The following LRRC3B variants were observed in gnomAD, a reference collection of about 807,000 sequenced individuals.
LRRC3B encodes the protein leucine rich repeat containing 3B.
A neutral mutation model predicts 12.8 loss-of-function variants in LRRC3B; 2 were observed. That is an observed-to-expected ratio of 0.16 (90% CI 0.06 to 0.49). LRRC3B has a LOEUF of 0.49. Among genes scored for constraint, LRRC3B ranks in the 20% least tolerant of loss-of-function variants. The pLI, the probability that LRRC3B is intolerant of heterozygous loss-of-function variation, is 0.96. For synonymous variants in LRRC3B, 132 were observed against 122.0 expected, an observed-to-expected ratio of 1.08 and a Z score of -0.54; for missense variants, 189 against 319.4, an observed-to-expected ratio of 0.59 and a Z score of 3.11.
chr3:26,657,147 T>G (rs2125419686), intron 1 of LRRC3B, among the ~76,000 whole-genome samples: 1 of 152,354 alleles, frequency 6.6e-6, no homozygotes, highest in Non-Finnish European at 1.5e-5. Context: ...AGCTTTCTGC[T>G]TAAGAGCCTA....
chr3:26,623,832 T>A (rs1161170522), intron 1 of LRRC3B: 1 of 152,218 alleles, frequency 6.6e-6, no homozygotes, highest in African/African-American at 2.4e-5. Context: ...GGCTTGCGGC[T>A]GTGCGCCGTG....
At chr3:26,705,590 GTTAGTAGGAAGGCACTCTTC>G (rs1359661342) in intron 1 of LRRC3B, among the ~76,000 whole-genome samples, 18 of 152,028 alleles carry the variant, frequency 1.2e-4, no homozygotes, top group Admixed American at 5.2e-4. Context: ...TCATTCTGAA[GTTAGTAGGAAGGCACTCTTC>G]TTGCCCAGCA....
chr3:26,679,907 T>C (rs1699935449), intron 1 of LRRC3B, among the ~76,000 whole-genome samples: 1 of 152,156 alleles, frequency 6.6e-6, no homozygotes, highest in African/African-American at 2.4e-5. Context: ...AAAAAAGGTG[T>C]GTCACATAAC....
intron 1 of LRRC3B, among the ~76,000 whole-genome samples, chr3:26,661,221 T>C (rs934310079): frequency 1.3e-5 from 2 of 152,296 alleles, no homozygotes; most frequent in Admixed American, 1.3e-4. Context: ...TGGCTCCCAA[T>C]GTGCAGTCAA....
At chr3:26,676,494 A>G (rs1699863799) in intron 1 of LRRC3B, among the ~76,000 whole-genome samples, 1 of 151,854 alleles carries the variant, frequency 6.6e-6, no homozygotes, top group African/African-American at 2.4e-5. Flanking sequence ...TTGTTGGACC[A>G]TAATCACTGG....
At chr3:26,710,488 T>C (rs760146686) in exon 2 of LRRC3B, 7 of 1,509,734 alleles carry the variant, frequency 4.6e-6, no homozygotes, top group South Asian at 1.4e-5. Flanking sequence ...AGAAAGAAAG[T>C]AGTTTGCGAT....
intron 1 of LRRC3B, among the ~76,000 whole-genome samples, chr3:26,673,014 G>A (rs1330155607): frequency 6.6e-6 from 1 of 152,156 alleles, no homozygotes; most frequent in Non-Finnish European, 1.5e-5. Context: ...TACTCCACTA[G>A]TCCAGTCTCA....
At chr3:26,653,062 G>T (rs1315747038) in intron 1 of LRRC3B, among the ~76,000 whole-genome samples, 1 of 149,076 alleles carries the variant, frequency 6.7e-6, no homozygotes, top group African/African-American at 2.5e-5. Context: ...TACTTAAGGA[G>T]AAGGCCTCAA....
At chr3:26,666,587 A>G (rs1196664319) in intron 1 of LRRC3B, among the ~76,000 whole-genome samples, 1 of 152,162 alleles carries the variant, frequency 6.6e-6, no homozygotes, top group Non-Finnish European at 1.5e-5. Context: ...AGTTGTACAG[A>G]AAAGTTGTAA....
intron 1 of LRRC3B, among the ~76,000 whole-genome samples, chr3:26,688,296 G>T (rs1250044568): frequency 6.6e-6 from 1 of 152,144 alleles, no homozygotes; most frequent in Non-Finnish European, 1.5e-5. Flanking sequence ...AAGAACCGCA[G>T]AAAGAATAAT....
intron 1 of LRRC3B, among the ~76,000 whole-genome samples, chr3:26,673,260 T>A (rs562769104): frequency 4.6e-5 from 7 of 152,330 alleles, no homozygotes; most frequent in South Asian, 2.1e-4. Flanking sequence ...ATTCATACAG[T>A]CTTTTATTTC....
chr3:26,656,462 T>C (rs1417494118), intron 1 of LRRC3B, among the ~76,000 whole-genome samples: 2 of 152,188 alleles, frequency 1.3e-5, no homozygotes, highest in East Asian at 3.9e-4. Context: ...CTGTTATCTC[T>C]GTTACTGTTA....
intron 1 of LRRC3B, among the ~76,000 whole-genome samples, chr3:26,631,165 C>A (rs1255191127): frequency 6.6e-6 from 1 of 152,198 alleles, no homozygotes; most frequent in East Asian, 1.9e-4. Context: ...GAAAAATGTG[C>A]CTCCTTGGAG....
chr3:26,643,811 G>T lies in LRRC3B; in HGVS notation c.-161+20574G>T, dbSNP rs560155574. 1.8e-4 allele frequency among the ~76,000 whole-genome samples: 28 copies of T among 152,282 alleles called. No homozygotes were observed. In the East Asian group the frequency reaches 5.4e-3, roughly 29 times the overall value. On this transcript the variant is annotated intron_variant, in intron 1 of 1. Coordinates refer to ENST00000396641, the Ensembl canonical transcript of LRRC3B. ...CAGCTGCAAGTCTCAGGAGTTACAG[G>T]TCTTGTCATTTATTTGGATATGGTC...
At chr3:26,659,536 CATAAAT>C (rs1236346872) in intron 1 of LRRC3B, among the ~76,000 whole-genome samples, 3 of 152,130 alleles carry the variant, frequency 2.0e-5, no homozygotes, top group Non-Finnish European at 2.9e-5. Flanking sequence ...AATGGAAACT[CATAAAT>C]AGTGGCATTT....
chr3:26,636,918 CTTTCTTTCTT>C (rs1559350267), intron 1 of LRRC3B, among the ~76,000 whole-genome samples: 4 of 47,838 alleles, frequency 8.4e-5, no homozygotes, highest in East Asian at 7.9e-4. Context: ...CTCTTTCTCT[CTTTCTTTCTT>C]TCTTTCTTTC....
At chr3:26,628,845 TAAAAAA>T (rs5847410) in intron 1 of LRRC3B, among the ~76,000 whole-genome samples, 1 of 137,042 alleles carries the variant, frequency 7.3e-6, no homozygotes, top group African/African-American at 2.7e-5. Flanking sequence ...GAGTAAATAC[TAAAAAA>T]AAAAAAAAAA....
chr3:26,674,230 G>T (rs1418470608), intron 1 of LRRC3B, among the ~76,000 whole-genome samples: 1 of 152,100 alleles, frequency 6.6e-6, no homozygotes, highest in Non-Finnish European at 1.5e-5. Context: ...TGAAGTCTGT[G>T]GGAGGTTGCA....
intron 1 of LRRC3B, among the ~76,000 whole-genome samples, chr3:26,675,549 T>C: frequency 6.6e-6 from 1 of 152,222 alleles, no homozygotes; most frequent in East Asian, 1.9e-4. Flanking sequence ...CTGAGTGTTT[T>C]TTCCTTTTTT....
Sources: allele counts gnomAD v4.1 joint callset (sites outside exome capture counted in the v4.1 genomes callset), GRCh38; gene constraint gnomAD v4.1.1; transcripts MANE v1.5; gene names NCBI Gene and HGNC (gene_info 2026-07-23, HGNC 2026-07-21).